ACTN1: variants seen among roughly 807,000 people sequenced by gnomAD.
ACTN1 encodes actinin alpha 1.
ACTN1 carries 30 observed loss-of-function variants against 119.6 expected under a neutral mutation model. The observed-to-expected ratio is 0.25, with a 90% CI of 0.19 to 0.34. ACTN1 has a LOEUF of 0.34. Ranked by LOEUF, ACTN1 falls within the 10% of genes least tolerant of loss-of-function variation. The probability of loss-of-function intolerance (pLI) is 1.00; values close to 1 mark genes in which losing one functional copy is unlikely to be tolerated. For missense variants in ACTN1, 764 were observed against 1,223.4 expected (o/e 0.62, Z 5.60); for synonymous variants, 429 against 472.6 (o/e 0.91, Z 1.20).
chr14:68,909,731 A>G lies in ACTN1; in HGVS notation c.515+224T>C, dbSNP rs2033888517. ...TGGGGGCGCTCCCAGTAGCAAAAGC[A>G]TCAACCAAAGTTATATCAGGCAGCA... On this transcript the variant is annotated intron_variant, in intron 5 of 21. Coordinates refer to ENST00000394419, the MANE Select transcript of ACTN1 (RefSeq NM_001130004.2). This position sits in a 1 kb window ranked among gnomAD's most constrained non-coding sequence, Gnocchi z 4.1. 6.6e-6 allele frequency among the ~76,000 whole-genome samples: 1 copy of G among 152,206 alleles called. No homozygotes were observed. The highest frequency in any genetic ancestry group is 2.1e-4 in the South Asian group (1 of 4,826).
intron 8 of ACTN1, among the ~76,000 whole-genome samples, chr14:68,895,849 A>G (rs1212565768): frequency 6.6e-6 from 1 of 152,178 alleles, no homozygotes; most frequent in Admixed American, 6.5e-5. Context: ...CCCATCCCCA[A>G]GAGCCTGCTG....
chr14:68,922,321 A>G (rs533793377), intron 2 of ACTN1, among the ~76,000 whole-genome samples: 1 of 152,346 alleles, frequency 6.6e-6, no homozygotes, highest in South Asian at 2.1e-4. Flanking sequence ...GGAAGACGGC[A>G]GACTTCCTGC....
intron 8 of ACTN1, among the ~76,000 whole-genome samples, chr14:68,901,746 T>C (rs1283611960): frequency 6.6e-6 from 1 of 152,204 alleles, no homozygotes; most frequent in Admixed American, 6.5e-5. Context: ...GCATGGACAG[T>C]GCCCTTTAGT....
rs181744630 is a variant in ACTN1 at position 68,928,518 on chromosome 14, G to A, written c.106-2846C>T. ...TGATCAACAACATGCACTTCGGGAC[G>A]CATCAGAGCTGGATTCAGTTCTCAG... On this transcript the variant is annotated intron_variant, in intron 1 of 21. Coordinates refer to ENST00000394419, the MANE Select transcript of ACTN1 (RefSeq NM_001130004.2). Among the ~76,000 whole-genome samples, 309 of 152,268 alleles carry A rather than the reference G, an allele frequency of 2.0e-3. 2 individuals are homozygous for A. The highest frequency in any genetic ancestry group is 3.6e-3 in the Non-Finnish European group (245 of 68,012).
intron 3 of ACTN1, among the ~76,000 whole-genome samples, chr14:68,918,872 T>C (rs530542859): frequency 1.3e-5 from 2 of 152,358 alleles, no homozygotes; most frequent in East Asian, 3.9e-4. Context: ...AGAAGCAGTC[T>C]GGCTCAGAGC....
Position 68,879,818 on chromosome 14 carries a change from A to C in ACTN1, c.2280+144T>G. 8.3e-7 allele frequency: 1 copy of C among 1,209,046 alleles called. No individual in the cohort carries two copies. The highest frequency in any genetic ancestry group is 1.5e-5 in the South Asian group (1 of 64,810). The allele number at this position is 1,209,046 out of a possible 1,614,324, so 74.9% of individuals were successfully genotyped here. ...TTCCAAGGCTGGTTTTGCAGGGTGC[A>C]TTGAGTCAGGGCAGGCTGACGGCAG... On this transcript the variant is annotated intron_variant, in intron 18 of 21. Coordinates refer to ENST00000394419, the MANE Select transcript of ACTN1 (RefSeq NM_001130004.2). This position sits in a 1 kb window ranked among gnomAD's most constrained non-coding sequence, Gnocchi z 4.9.
At chr14:68,884,436 C>T in intron 13 of ACTN1, 128 bp from the exon 14 acceptor site, 1 of 1,148,488 alleles carries the variant, frequency 8.7e-7, no homozygotes, top group Admixed American at 2.5e-5. Flanking sequence ...AGAACAAGCT[C>T]TTCCTGCCAG....
At chr14:68,877,757 C>T (rs1010955865) in intron 20 of ACTN1, 1 of 158,016 alleles carries the variant, frequency 6.3e-6, no homozygotes, top group African/African-American at 2.4e-5. Context: ...ACTGTATTTT[C>T]TACATGCCAG....
At chr14:68,953,212 C>T (rs2036230138) in intron 1 of ACTN1, among the ~76,000 whole-genome samples, 1 of 152,180 alleles carries the variant, frequency 6.6e-6, no homozygotes, top group African/African-American at 2.4e-5. Flanking sequence ...GAAAATCCCT[C>T]TTAGGCAAAC....
intron 1 of ACTN1, among the ~76,000 whole-genome samples, chr14:68,952,782 G>A (rs533773982): frequency 2.3e-4 from 35 of 152,166 alleles, no homozygotes; most frequent in Non-Finnish European, 4.3e-4. Context: ...CAGAGCCTCC[G>A]GTTCTCACCC....
intron 1 of ACTN1, among the ~76,000 whole-genome samples, chr14:68,939,454 A>G (rs757292092): frequency 1.9e-4 from 29 of 152,204 alleles, no homozygotes; most frequent in Non-Finnish European, 2.9e-4. Context: ...TAATAATAAA[A>G]TAAAGATAAA....
intron 21 of ACTN1, among the ~76,000 whole-genome samples, chr14:68,875,553 C>T (rs932842069): frequency 1.3e-5 from 2 of 152,276 alleles, no homozygotes; most frequent in Admixed American, 6.5e-5. Context: ...CCCATGCAAG[C>T]AGCTCCAGCC....
chr14:68,969,156 G>A (rs1479793258), intron 1 of ACTN1, among the ~76,000 whole-genome samples: 7 of 152,112 alleles, frequency 4.6e-5, no homozygotes, highest in African/African-American at 1.7e-4. Context: ...CTAAATATAA[G>A]AAAAGAGAGA....
Position 68,932,192 on chromosome 14 carries a change from A to G in ACTN1, c.106-6520T>C, listed in dbSNP as rs561147401. On this transcript the variant is annotated intron_variant, in intron 1 of 21. Transcript: ENST00000394419. Reference sequence around the variant, plus strand: ...ACTGGGAAAGGCAGACCCACCCTCAATCTGGGTGGGCACCATCTAATCAGC... The same window carrying G: ...ACTGGGAAAGGCAGACCCACCCTCAGTCTGGGTGGGCACCATCTAATCAGC... Among the ~76,000 whole-genome samples the G allele has an allele frequency of 2.2e-3, 327 of 151,868 alleles. 1 individual carries two copies. The highest frequency in any genetic ancestry group is 7.4e-3 in the African/African-American group (307 of 41,408).
rs745575162 is a variant in ACTN1, at chr14:68,884,850, G to A, written c.1419C>T (p.Asn473=). 4 of 1,614,148 alleles carry A rather than the reference G, an allele frequency of 2.5e-6. No individual in the cohort carries two copies. The highest frequency in any genetic ancestry group is 1.1e-5 in the South Asian group (1 of 91,080). Residue 473 remains asparagine, a synonymous_variant, in exon 13 of 22, where the codon AAC becomes AAT. Transcript: ENST00000394419. The part of the protein sequence containing the change: ...ELDYYDSPSV[N]ARCQKICDQW... ...GGTCACAGATCTTTTGGCAACGGGC[G>A]TTGACACTGGGTGAGTCATAATAGT...
chr14:68,922,183 C>T (rs2140361954), intron 2 of ACTN1, among the ~76,000 whole-genome samples: 1 of 152,332 alleles, frequency 6.6e-6, no homozygotes, highest in African/African-American at 2.4e-5. Context: ...ACCACACCCA[C>T]TGTCTCCCCA....
At position 68,877,268 on chromosome 14, in the gene ACTN1, G is replaced by A. The variant is rs761797145; in HGVS notation, c.2428-28C>T. The A allele has an allele frequency of 7.4e-6, 12 of 1,613,318 alleles. No homozygotes were observed. In the South Asian group the frequency reaches 1.1e-4, roughly 15 times the overall value. On this transcript the variant is annotated intron_variant, in intron 20 of 21. Coordinates refer to ENST00000394419, the MANE Select transcript of ACTN1 (RefSeq NM_001130004.2). ...GGAGGGAACAGCCAAACCCAGGCCT[G>A]TCAGCCCATGGCCTGCTGGGAATAT...
intron 1 of ACTN1, among the ~76,000 whole-genome samples, chr14:68,950,479 A>ATATATATATATATATATATATATATAT (rs1566667536): frequency 6.5e-5 from 6 of 92,690 alleles, no homozygotes; most frequent in African/African-American, 3.1e-4. Context: ...TATATATATA[A>ATATATATATATATATATATATATATAT]ATCAAACATA....
chr14:68,920,952 A>G, intron 3 of ACTN1, 54 bp downstream of exon 3: 1 of 1,603,720 alleles, frequency 6.2e-7, no homozygotes. Flanking sequence ...GGCCAAGAGA[A>G]CCAGGGGGAC....
Sources: gnomAD v4.1 joint callset for allele counts (sites outside exome capture counted in the v4.1 genomes callset) on GRCh38, gnomAD v4.1.1 for gene constraint, Gnocchi (gnomAD v3.1) non-coding constraint, MANE v1.5 for transcripts, NCBI Gene and HGNC (gene_info 2026-07-23, HGNC 2026-07-21) for gene names.